ZNF654: variants seen among roughly 807,000 people sequenced by gnomAD.
ZNF654 encodes the protein melanoma-associated antigen.
Under a neutral mutation model 95.3 loss-of-function variants are expected in ZNF654, and 19 were observed. That is an observed-to-expected ratio of 0.20 (90% CI 0.14 to 0.29). The LOEUF is 0.29. Among genes scored for constraint, ZNF654 ranks in the 10% least tolerant of loss-of-function variants. The probability of loss-of-function intolerance (pLI) is 1.00; values close to 1 mark genes in which losing one functional copy is unlikely to be tolerated. For synonymous variants in ZNF654, 413 were observed against 457.9 expected, an observed-to-expected ratio of 0.90 and a Z score of 1.25; for missense variants, 1,046 against 1,341.0, an observed-to-expected ratio of 0.78 and a Z score of 3.44.
chr3:88,076,211 A>T (rs1421063665), intron 1 of ZNF654, among the ~76,000 whole-genome samples: 1 of 152,054 alleles, frequency 6.6e-6, no homozygotes, highest in East Asian at 1.9e-4. Context: ...TTTATTATAG[A>T]CTTTCTGCCT....
chr3:88,136,699 G>A (rs1484416448), intron 7 of ZNF654, among the ~76,000 whole-genome samples: 1 of 152,164 alleles, frequency 6.6e-6, no homozygotes, highest in Non-Finnish European at 1.5e-5. Flanking sequence ...GAGACTGTGT[G>A]TGTTAGGAGG....
intron 2 of ZNF654, among the ~76,000 whole-genome samples, chr3:88,096,917 T>G (rs373715356): frequency 1.3e-4 from 20 of 152,280 alleles, no homozygotes; most frequent in African/African-American, 4.6e-4. Context: ...ATTATCATTT[T>G]AGACAAATGC....
intron 2 of ZNF654, among the ~76,000 whole-genome samples, chr3:88,111,055 C>T (rs896395153): frequency 5.3e-5 from 8 of 151,922 alleles, no homozygotes; most frequent in African/African-American, 1.9e-4. Flanking sequence ...GGGTTCATTT[C>T]TGTGTTTTAG....
Position 88,107,987 on chromosome 3 carries a change from AT to A in ZNF654, c.333-5119del, listed in dbSNP as rs534570272. On this transcript the variant is annotated intron_variant, in intron 2 of 8. Transcript: ENST00000636215. ...TGTTGTGGTTTTTATTGTTCTTATC[AT>A]TTTTTTTTGTTTATATTGTGTTTGT... Among the ~76,000 whole-genome samples, 1,268 of 149,896 alleles carry A rather than the reference AT, an allele frequency of 8.5e-3. 10 individuals carry two copies. Among genetic ancestry groups the A allele is most frequent in the African/African-American group, 0.03 (1,223 of 40,834 alleles).
Position 88,140,373 on chromosome 3 carries a change from A to G in ZNF654, c.2704A>G (p.Ser902Gly), listed in dbSNP as rs745717766. 5 of 1,613,220 alleles carry G rather than the reference A, an allele frequency of 3.1e-6. No individual in the cohort carries two copies. In the East Asian group the frequency reaches 1.1e-4, roughly 36 times the overall value. The change falls in exon 8 of 9, where the codon AGT (serine) becomes GGT (glycine). Residue 902 changes from serine to glycine, a missense_variant. Ser to Gly is a moderately conservative substitution (Grantham distance 56). This residue lies in a region of ZNF654 where 495 missense variants were observed against 537.0 expected (regional missense o/e 0.92). Coordinates refer to ENST00000636215, the MANE Select transcript of ZNF654 (RefSeq NM_001350134.2). ...SNPNQEKDSS[S>G]NEKQTISLPV... ...TCCTAATCAGGAAAAAGACTCATCT[A>G]GTAATGAGAAACAAACTATTAGTCT...
At chr3:88,069,619 A>G (rs1302286746) in intron 1 of ZNF654, among the ~76,000 whole-genome samples, 1 of 152,214 alleles carries the variant, frequency 6.6e-6, no homozygotes, top group African/African-American at 2.4e-5. Flanking sequence ...GCAAGCTTCA[A>G]CATTCACATC....
intron 3 of ZNF654, among the ~76,000 whole-genome samples, chr3:88,119,489 T>TA (rs1705639266): frequency 6.7e-6 from 1 of 149,778 alleles, no homozygotes. Flanking sequence ...CATGTATACA[T>TA]ATGTAACTAA....
rs539636633 is a variant in ZNF654 at position 88,078,332 on chromosome 3, A to G, written c.187-7925A>G. 5.3e-5 allele frequency among the ~76,000 whole-genome samples: 8 copies of G among 152,274 alleles called. No homozygotes were observed. The South Asian group carries it at 1.7e-3, about 32-fold the overall frequency. ...ATTTTTGGAACTTCTAACAAGGTGA[A>G]TGATTTTCAAATTGGTAACTAAATG... is the stretch of plus-strand genomic sequence containing the variant. On this transcript the variant is annotated intron_variant, in intron 1 of 8. Transcript: ENST00000636215.
intron 1 of ZNF654, among the ~76,000 whole-genome samples, chr3:88,072,674 T>A (rs986308358): frequency 6.6e-6 from 1 of 152,152 alleles, no homozygotes. Context: ...TTTTTCCCCC[T>A]TACCTGTGTT....
intron 1 of ZNF654, among the ~76,000 whole-genome samples, chr3:88,065,748 G>T (rs889251275): frequency 2.0e-5 from 3 of 151,632 alleles, no homozygotes; most frequent in Non-Finnish European, 2.9e-5. Context: ...TTGAGACAGG[G>T]TCTGGCTGGC....
chr3:88,059,494 C>A lies in ZNF654; in HGVS notation c.175C>A (p.Arg59Ser). ...VGISSRDYCR[R>S]FCQVVEDYAG... ...AATCAGCAGTCGGGATTACTGCCGA[C>A]GCTTCTGTCAGGTGAGGCGTCCGTT... The change falls in exon 1 of 9, where the codon CGC becomes AGC. Residue 59 changes from arginine (R) to serine (S), a missense_variant. Coordinates refer to ENST00000636215, the MANE Select transcript of ZNF654 (RefSeq NM_001350134.2). The A allele has an allele frequency of 1.2e-5, 18 of 1,495,036 alleles. No homozygotes were observed. The highest frequency in any genetic ancestry group is 1.6e-5 in the Non-Finnish European group (18 of 1,129,586). The allele number at this position is 1,495,036 out of a possible 1,614,324, so 92.6% of individuals were successfully genotyped here.
chr3:88,141,101 A>T, intron 8 of ZNF654, 53 bp downstream of exon 8: 7 of 1,521,316 alleles, frequency 4.6e-6, no homozygotes, highest in Non-Finnish European at 6.1e-6. Flanking sequence ...AAAATGGCAT[A>T]AATAAAACTA....
chr3:88,119,390 T>G (rs1417108168), intron 3 of ZNF654, among the ~76,000 whole-genome samples: 1 of 41,958 alleles, frequency 2.4e-5, no homozygotes, highest in African/African-American at 1.0e-4. Context: ...TGTTGTGGGG[T>G]GGGGGGAGGG....
chr3:88,089,306 A>G (rs1199585442), intron 2 of ZNF654, among the ~76,000 whole-genome samples: 1 of 151,440 alleles, frequency 6.6e-6, no homozygotes, highest in Non-Finnish European at 1.5e-5. Flanking sequence ...CCTAGCCAAC[A>G]TGGTGAAACC....
At chr3:88,123,535 T>C (rs1037457332) in intron 3 of ZNF654, among the ~76,000 whole-genome samples, 7 of 152,166 alleles carry the variant, frequency 4.6e-5, no homozygotes, top group African/African-American at 1.7e-4. Flanking sequence ...AATATTCAAA[T>C]TATCAGGGCT....
intron 3 of ZNF654, among the ~76,000 whole-genome samples, chr3:88,115,048 G>A (rs1326357874): frequency 6.6e-6 from 1 of 152,166 alleles, no homozygotes; most frequent in Non-Finnish European, 1.5e-5. Context: ...GCATAAGATG[G>A]TGTTCTTTCT....
intron 2 of ZNF654, among the ~76,000 whole-genome samples, chr3:88,110,923 T>G (rs1169111090): frequency 6.6e-6 from 1 of 152,138 alleles, no homozygotes; most frequent in Non-Finnish European, 1.5e-5. Flanking sequence ...TTTTCTCTTT[T>G]TAATATCATT....
At chr3:88,104,889 A>G (rs1202674669) in intron 2 of ZNF654, among the ~76,000 whole-genome samples, 6 of 152,274 alleles carry the variant, frequency 3.9e-5, no homozygotes, top group Non-Finnish European at 7.3e-5. Context: ...CTGTAATCCC[A>G]GCACTTTGGA....
chr3:88,076,988 A>G (rs1427982266), intron 1 of ZNF654, among the ~76,000 whole-genome samples: 1 of 152,164 alleles, frequency 6.6e-6, no homozygotes, highest in Non-Finnish European at 1.5e-5. Flanking sequence ...AGAGACTCTT[A>G]TTAGTATTGT....
Sources: allele counts gnomAD v4.1 joint callset (sites outside exome capture counted in the v4.1 genomes callset), GRCh38; gene constraint gnomAD v4.1.1; regional missense constraint gnomAD v4.1.1; transcripts MANE v1.5; gene names NCBI Gene and HGNC (gene_info 2026-07-23, HGNC 2026-07-21).